Variants in ATP8B3 observed in about 807,000 individuals in gnomAD.
ATP8B3 encodes ATPase phospholipid transporting 8B3, also known as phospholipid-transporting ATPase IK.
ATP8B3 carries 141 observed loss-of-function variants against 140.9 expected under a neutral mutation model. The observed-to-expected ratio is 1.00, with a 90% CI of 0.87 to 1.15. ATP8B3 has a LOEUF of 1.15. Ranked by LOEUF, ATP8B3 falls within the 50% of genes most tolerant of loss-of-function variation. The probability of loss-of-function intolerance (pLI) is 0.00; values close to 1 mark genes in which losing one functional copy is unlikely to be tolerated. For missense variants in ATP8B3, 1,874 were observed against 1,740.6 expected (o/e 1.08, Z -1.36); for synonymous variants, 765 against 714.6 (o/e 1.07, Z -1.13).
chr19:1,805,737 G>C lies in ATP8B3; in HGVS notation c.821+151C>G, dbSNP rs1028850195. ...GGGCGTCTTCCTCCCCTCAGTGCCT[G>C]GCAGCACCCACGCCCCAGACACTCA... is the stretch of plus-strand genomic sequence containing the variant. On this transcript the variant is annotated intron_variant, in intron 9 of 28. Transcript: ENST00000310127. This position sits in a 1 kb window ranked among gnomAD's most constrained non-coding sequence, Gnocchi z 5.2. The C allele has an allele frequency of 1.1e-6, 1 of 939,042 alleles. No homozygotes were observed. The highest frequency in any genetic ancestry group is 2.2e-5 in the Admixed American group (1 of 45,288). The allele number at this position is 939,042 out of a possible 1,614,324, so 58.2% of individuals were successfully genotyped here.
Position 1,782,273 on chromosome 19 carries a change from C to A in ATP8B3, c.*755G>T, listed in dbSNP as rs2068184961. Reference sequence around the variant, plus strand: ...GAAGATGCCTCTTCATCAGATGGGTCTAGGGATTCAGATGCTACGTCACTG... The same window carrying A: ...GAAGATGCCTCTTCATCAGATGGGTATAGGGATTCAGATGCTACGTCACTG... On this transcript the variant is annotated 3_prime_UTR_variant, in exon 29 of 29. Coordinates refer to ENST00000310127, the MANE Select transcript of ATP8B3 (RefSeq NM_138813.4). The A allele has an allele frequency of 2.9e-6, 1 of 348,976 alleles. No homozygotes were observed. The highest frequency in any genetic ancestry group is 9.3e-5 in the South Asian group (1 of 10,704). The allele number at this position is 348,976 out of a possible 1,614,324, so 21.6% of individuals were successfully genotyped here. A position where few individuals can be genotyped will look rare whatever the true frequency, so the allele number is the denominator to read the frequency against.
In ATP8B3 at chr19:1,807,108, A is replaced by G; in HGVS notation, c.615+60T>C. On this transcript the variant is annotated intron_variant, in intron 6 of 28. Coordinates refer to ENST00000310127, the MANE Select transcript of ATP8B3 (RefSeq NM_138813.4). The surrounding 1 kb of genome is among the most constrained non-coding windows in gnomAD (Gnocchi z 5.9). ...TCCTCCCACTCTCGCCCAGGGATCAAGAGACCCCCCCGACCGGCCCCGCTC... is the reference window on the plus strand; with the variant it reads ...TCCTCCCACTCTCGCCCAGGGATCAGGAGACCCCCCCGACCGGCCCCGCTC... 1.4e-6 allele frequency: 2 copies of G among 1,468,694 alleles called. No individual in the cohort carries two copies. Among genetic ancestry groups the G allele is most frequent in the Non-Finnish European group, 1.9e-6 (2 of 1,052,386 alleles). 91.0% of individuals were successfully genotyped at this position (1,468,694 alleles called of 1,614,324 possible).
intron 14 of ATP8B3, among the ~76,000 whole-genome samples, chr19:1,797,363 C>T (rs1568640509): frequency 6.6e-6 from 1 of 152,060 alleles, no homozygotes; most frequent in Admixed American, 6.6e-5. Flanking sequence ...GATGTGGCCC[C>T]TTCCTGTCTC....
intron 5 of ATP8B3, 71 bp downstream of exon 5, chr19:1,808,151 T>A: frequency 7.9e-7 from 1 of 1,265,060 alleles, no homozygotes; most frequent in Non-Finnish European, 1.1e-6. Context: ...AACCCACCCA[T>A]CACACAGACA....
At position 1,809,672 on chromosome 19, in the gene ATP8B3, T is replaced by A; in HGVS notation, c.373A>T (p.Ile125Phe). Residue 125 changes from isoleucine (I) to phenylalanine (F), a missense_variant, in exon 4 of 29, where the codon ATC becomes TTC. Physicochemically the swap from Ile to Phe is conservative, Grantham distance 21. Coordinates refer to ENST00000310127, the MANE Select transcript of ATP8B3 (RefSeq NM_138813.4). ...TATTTCTTCCTTTGCCAGCACAGGA[T>A]CACCTTCTCCTTGAACTGCCCGTTG... The part of the protein sequence containing the change: ...AYNGQFKEKV[I>F]LCWQRKKYKT... The A allele has an allele frequency of 6.2e-7, 1 of 1,611,028 alleles. No individual in the cohort carries two copies. Among genetic ancestry groups the A allele is most frequent in the South Asian group, 1.1e-5 (1 of 90,368 alleles).
chr19:1,785,757 C>T, intron 25 of ATP8B3, 49 bp from the exon 26 acceptor site: 1 of 1,419,940 alleles, frequency 7.0e-7, no homozygotes, highest in Non-Finnish European at 9.6e-7. Context: ...CGGGGGACAC[C>T]CAACAGAGAT....
intron 10 of ATP8B3, among the ~76,000 whole-genome samples, chr19:1,803,350 T>A (rs1053130493): frequency 1.3e-5 from 2 of 152,150 alleles, no homozygotes; most frequent in African/African-American, 4.8e-5. Context: ...GGACCCTGAC[T>A]CCATCCTGGA....
Position 1,806,702 on chromosome 19 carries a change from G to A in ATP8B3, c.616-13C>T. 2 of 1,558,334 alleles carry A rather than the reference G, an allele frequency of 1.3e-6. No individual in the cohort carries two copies. Among genetic ancestry groups the A allele is most frequent in the Non-Finnish European group, 1.7e-6 (2 of 1,151,518 alleles). On this transcript the variant is annotated splice_polypyrimidine_tract_variant and intron_variant, in intron 6 of 28. Coordinates refer to ENST00000310127, the MANE Select transcript of ATP8B3 (RefSeq NM_138813.4). The surrounding 1 kb of genome is among the most constrained non-coding windows in gnomAD (Gnocchi z 5.6). ...TCTTGTGTCTCCCCTGGGCCAGGAG[G>A]GAAAGGATCAGAGAGACCGTCCAGC...
At chr19:1,792,244 C>A in intron 18 of ATP8B3, 109 bp from the exon 19 acceptor site, 1 of 1,267,964 alleles carries the variant, frequency 7.9e-7, no homozygotes, top group Non-Finnish European at 1.1e-6. Flanking sequence ...CAACCAAAAG[C>A]CTGTTGCCTC....
rs1197147094 is a variant in ATP8B3, at chr19:1,807,407, C to A, written c.517-141G>T. On this transcript the variant is annotated intron_variant, in intron 5 of 28. Coordinates refer to ENST00000310127, the MANE Select transcript of ATP8B3 (RefSeq NM_138813.4). The surrounding 1 kb of genome is among the most constrained non-coding windows in gnomAD (Gnocchi z 5.9). ...TTGACCGGGGTCCAGCCATCTCCTG[C>A]AACCCCCAGCCCTCGGGACAAACGC... The A allele has an allele frequency of 3.1e-6, 2 of 655,184 alleles. No homozygotes were observed. Among genetic ancestry groups the A allele is most frequent in the African/African-American group, 3.6e-5 (2 of 55,604 alleles). 40.6% of individuals were successfully genotyped at this position (655,184 alleles called of 1,614,324 possible). A position where few individuals can be genotyped will look rare whatever the true frequency, so the allele number is the denominator to read the frequency against.
chr19:1,796,869 T>C lies in ATP8B3; in HGVS notation c.1595A>G (p.Tyr532Cys). ...EATTRPKENPYLWNKFADGKL... is the reference protein window; with the variant it reads ...EATTRPKENPCLWNKFADGKL... The stretch of plus-strand genomic sequence containing the variant: ...CCCGTCGGCGAACTTGTTCCAGAGG[T>C]AGGGGTTCTCCTGGGGGTGGCGGGG... Residue 532 changes from tyrosine to cysteine, a missense_variant, in exon 16 of 29, where the codon TAC becomes TGC. Tyr to Cys is a radical substitution (Grantham distance 194). Coordinates refer to ENST00000310127, the MANE Select transcript of ATP8B3 (RefSeq NM_138813.4). 1 of 1,611,842 alleles carries C rather than the reference T, an allele frequency of 6.2e-7. No individual in the cohort carries two copies. Among genetic ancestry groups the C allele is most frequent in the Non-Finnish European group, 8.5e-7 (1 of 1,179,242 alleles).
At chr19:1,803,774 G>T (rs558758551) in intron 10 of ATP8B3, among the ~76,000 whole-genome samples, 24 of 151,892 alleles carry the variant, frequency 1.6e-4, no homozygotes, top group Admixed American at 7.2e-4. Flanking sequence ...CGGGCGCCTG[G>T]GATCCCAGCT....
chr19:1,791,919 C>T (rs1010892918), intron 19 of ATP8B3, 58 bp from the exon 20 acceptor site: 42 of 1,599,518 alleles, frequency 2.6e-5, no homozygotes, highest in South Asian at 5.6e-5. Context: ...AGCTCCCTGG[C>T]GGGGGCAGGA....
Position 1,805,262 on chromosome 19 carries a change from A to T in ATP8B3, c.904+112T>A, listed in dbSNP as rs1354183050. ...AGTGCTGGGATTCCAGGTGTGAGCC[A>T]CTGGGCCTGGCCAGCACCTTGTTTT... On this transcript the variant is annotated intron_variant, in intron 10 of 28. Transcript: ENST00000310127. This position sits in a 1 kb window ranked among gnomAD's most constrained non-coding sequence, Gnocchi z 5.2. 9.3e-7 allele frequency: 1 copy of T among 1,078,640 alleles called. No individual in the cohort carries two copies. The highest frequency in any genetic ancestry group is 2.6e-5 in the East Asian group (1 of 38,420). The allele number at this position is 1,078,640 out of a possible 1,614,324, so 66.8% of individuals were successfully genotyped here. A position where few individuals can be genotyped will look rare whatever the true frequency, so the allele number is the denominator to read the frequency against.
intron 14 of ATP8B3, chr19:1,799,739 G>C: frequency 1.6e-6 from 1 of 606,136 alleles, no homozygotes; most frequent in Non-Finnish European, 2.9e-6. Context: ...ATTCCTGCCT[G>C]GGTAGACAGA....
Position 1,789,524 on chromosome 19 carries a change from C to A in ATP8B3, c.2682G>T (p.Leu894=). 1 of 1,598,418 alleles carries A rather than the reference C, an allele frequency of 6.3e-7. No homozygotes were observed. The highest frequency in any genetic ancestry group is 1.3e-5 in the African/African-American group (1 of 74,810). Residue 894 remains leucine, a synonymous_variant, in exon 23 of 29, where the codon CTG becomes CTT. Coordinates refer to ENST00000310127, the MANE Select transcript of ATP8B3 (RefSeq NM_138813.4). The part of the protein sequence containing the change: ...DSRARRSSEV[L]QERAFVDLAS... ...CCAGGTCCACGAAGGCGCGCTCCTG[C>A]AGCACCTCGGAGCTACGGCGGGCTC...
At chr19:1,785,010 G>A (rs887201329) in intron 27 of ATP8B3, 64 bp from the exon 28 acceptor site, 4 of 1,547,072 alleles carry the variant, frequency 2.6e-6, no homozygotes, top group Admixed American at 1.9e-5. Flanking sequence ...CCAGGCTAGG[G>A]AGCGCCTTGG....
chr19:1,786,690 T>C (rs2088494554), intron 25 of ATP8B3, among the ~76,000 whole-genome samples: 1 of 152,174 alleles, frequency 6.6e-6, no homozygotes, highest in Non-Finnish European at 1.5e-5. Context: ...CTGTGTTGGA[T>C]TGCATAGCTG....
Position 1,807,388 on chromosome 19 carries a change from G to A in ATP8B3, c.517-122C>T, listed in dbSNP as rs376645792. 2.5e-5 allele frequency: 19 copies of A among 760,152 alleles called. No homozygotes were observed. Among genetic ancestry groups the A allele is most frequent in the Non-Finnish European group, 3.5e-5 (16 of 458,908 alleles). 47.1% of individuals were successfully genotyped at this position (760,152 alleles called of 1,614,324 possible). On this transcript the variant is annotated intron_variant, in intron 5 of 28. Transcript: ENST00000310127. This position sits in a 1 kb window ranked among gnomAD's most constrained non-coding sequence, Gnocchi z 5.9. ...GACACATCTGCTGGCCACCTTGACC[G>A]GGGTCCAGCCATCTCCTGCAACCCC...
Sources: gnomAD v4.1 joint callset for allele counts (sites outside exome capture counted in the v4.1 genomes callset) on GRCh38, gnomAD v4.1.1 for gene constraint, Gnocchi (gnomAD v3.1) non-coding constraint, MANE v1.5 for transcripts, NCBI Gene and HGNC (gene_info 2026-07-23, HGNC 2026-07-21) for gene names.